The following NPHP4 variants were observed in gnomAD, a reference collection of about 807,000 sequenced individuals.
NPHP4 encodes the protein nephrocystin 4.
A neutral mutation model predicts 155.8 loss-of-function variants in NPHP4; 151 were observed. That is an observed-to-expected ratio of 0.97 (90% CI 0.85 to 1.11). NPHP4 has a LOEUF of 1.11. Ranked by LOEUF, NPHP4 falls within the 50% of genes least tolerant of loss-of-function variation. The probability of loss-of-function intolerance (pLI) is 0.00; values close to 1 mark genes in which losing one functional copy is unlikely to be tolerated. For missense variants in NPHP4, 1,956 were observed against 1,925.7 expected (o/e 1.02, Z -0.29); for synonymous variants, 845 against 816.8 (o/e 1.03, Z -0.59).
chr1:5,903,475 C>A (rs80354109), intron 16 of NPHP4, among the ~76,000 whole-genome samples: 1 of 152,038 alleles, frequency 6.6e-6, no homozygotes, highest in African/African-American at 2.4e-5. Context: ...TGTTTCAGAC[C>A]CCAGCTGGGT....
chr1:5,923,697 G>A (rs1190947989), intron 11 of NPHP4, among the ~76,000 whole-genome samples: 1 of 152,192 alleles, frequency 6.6e-6, no homozygotes, highest in Non-Finnish European at 1.5e-5. Flanking sequence ...GGAATAATCA[G>A]CCCTAGATGA....
intron 16 of NPHP4, among the ~76,000 whole-genome samples, chr1:5,898,337 C>A (rs999392703): frequency 2.0e-5 from 3 of 152,194 alleles, no homozygotes; most frequent in Non-Finnish European, 4.4e-5. Context: ...CGGCAGAGCC[C>A]CCCAAAAAGT....
chr1:5,973,312 C>A (rs192155050), intron 3 of NPHP4, among the ~76,000 whole-genome samples: 1 of 152,250 alleles, frequency 6.6e-6, no homozygotes, highest in East Asian at 1.9e-4. Context: ...ACGCCCATGG[C>A]GAAAGCCAGT....
chr1:5,985,448 G>A (rs938287404), intron 2 of NPHP4, among the ~76,000 whole-genome samples: 2 of 152,262 alleles, frequency 1.3e-5, no homozygotes, highest in Non-Finnish European at 2.9e-5. Flanking sequence ...GCCCAAGGCC[G>A]TGGTACATCC....
At chr1:5,880,601 T>C (rs558023149) in intron 18 of NPHP4, 1 of 312,092 alleles carries the variant, frequency 3.2e-6, no homozygotes, top group African/African-American at 2.1e-5. Flanking sequence ...GATGGCCACA[T>C]TGATCAAGGA....
chr1:5,959,747 C>A (rs897405209), intron 6 of NPHP4, among the ~76,000 whole-genome samples: 1 of 152,140 alleles, frequency 6.6e-6, no homozygotes, highest in East Asian at 1.9e-4. Flanking sequence ...CATCTCACAG[C>A]TAGTCCCAAG....
rs749539189 is a variant in NPHP4, at chr1:5,874,995, T to C, written c.2923A>G (p.Ile975Val). 1.6e-5 allele frequency: 25 copies of C among 1,612,386 alleles called. No individual in the cohort carries two copies. The highest frequency in any genetic ancestry group is 7.6e-6 in the Non-Finnish European group (9 of 1,179,874). ...GCGTGGAGCGTGTGCTCCGTGGTGATGGCCAGGCTCAGCAGGCTGGCGATG... is the reference window on the plus strand; with the variant it reads ...GCGTGGAGCGTGTGCTCCGTGGTGACGGCCAGGCTCAGCAGGCTGGCGATG... ...ESIASLLSLA[I>V]TTEHTLHATL... The change falls in exon 21 of 30, where the codon ATC (isoleucine) becomes GTC (valine). Residue 975 changes from isoleucine to valine, a missense_variant. Ile to Val is a conservative substitution (Grantham distance 29). Coordinates refer to ENST00000378156, the MANE Select transcript of NPHP4 (RefSeq NM_015102.5).
chr1:5,867,184 A>G lies in NPHP4; in HGVS notation c.3473-69T>C. On this transcript the variant is annotated intron_variant, in intron 24 of 29. Coordinates refer to ENST00000378156, the MANE Select transcript of NPHP4 (RefSeq NM_015102.5). This position sits in a 1 kb window ranked among gnomAD's most constrained non-coding sequence, Gnocchi z 4.1. ...AGCCTGTGTGGAGAAGGCCCCACACATTACACACTATAGGACAGGACAGGC... is the reference window on the plus strand; with the variant it reads ...AGCCTGTGTGGAGAAGGCCCCACACGTTACACACTATAGGACAGGACAGGC... 1.7e-6 allele frequency: 2 copies of G among 1,178,014 alleles called. No individual in the cohort carries two copies. The highest frequency in any genetic ancestry group is 1.2e-6 in the Non-Finnish European group (1 of 807,248). 73.0% of individuals were successfully genotyped at this position (1,178,014 alleles called of 1,614,324 possible).
At chr1:5,863,638 G>C in intron 29 of NPHP4, 4 of 621,552 alleles carry the variant, frequency 6.4e-6, no homozygotes, top group Non-Finnish European at 1.1e-5. Flanking sequence ...TTCCGAGACT[G>C]AGCTGTCTAA....
chr1:5,911,611 A>AT (rs992873932), intron 11 of NPHP4, among the ~76,000 whole-genome samples: 1 of 151,936 alleles, frequency 6.6e-6, no homozygotes, highest in Non-Finnish European at 1.5e-5. Context: ...GACTTATGCA[A>AT]TTTTTTCTTC....
rs925771487 is a variant in NPHP4, at chr1:5,890,263, C to T, written c.2304+605G>A. Among the ~76,000 whole-genome samples the T allele has an allele frequency of 5.9e-5, 9 of 152,134 alleles. No homozygotes were observed. The highest frequency in any genetic ancestry group is 5.8e-4 in the East Asian group (3 of 5,182). On this transcript the variant is annotated intron_variant, in intron 17 of 29. Coordinates refer to ENST00000378156, the MANE Select transcript of NPHP4 (RefSeq NM_015102.5). The surrounding 1 kb of genome is among the most constrained non-coding windows in gnomAD (Gnocchi z 4.9). ...GAGAAGTCTCAGGACACCATGGTAG[C>T]GTGTGAAACTGGCCCCAGTCCTTGG... is the stretch of plus-strand genomic sequence containing the variant.
rs1453667425 is a variant in NPHP4, at chr1:5,882,396, C to T, written c.2486-2157G>A. 2 of 152,984 alleles carry T rather than the reference C, an allele frequency of 1.3e-5. No homozygotes were observed. Among genetic ancestry groups the T allele is most frequent in the Non-Finnish European group, 2.9e-5 (2 of 68,438 alleles). The allele number at this position is 152,984 out of a possible 1,614,324, so 9.5% of individuals were successfully genotyped here. A position where few individuals can be genotyped will look rare whatever the true frequency, so the allele number is the denominator to read the frequency against. On this transcript the variant is annotated intron_variant, in intron 18 of 29. Coordinates refer to ENST00000378156, the MANE Select transcript of NPHP4 (RefSeq NM_015102.5). This position sits in a 1 kb window ranked among gnomAD's most constrained non-coding sequence, Gnocchi z 5.1. ...CTCAGTGGTGCGCTTACCCAGCCAT[C>T]TCTTTCCAGGGGAATTAATTTCGTT...
Position 5,890,850 on chromosome 1 carries a change from C to A in NPHP4, c.2304+18G>T. ...GGACGCAGCACCCACTGTGCCTGTC[C>A]TTCCAGAGAGCCGCTACCTTCATCT... On this transcript the variant is annotated intron_variant, in intron 17 of 29. Transcript: ENST00000378156. The surrounding 1 kb of genome is among the most constrained non-coding windows in gnomAD (Gnocchi z 4.9). The A allele has an allele frequency of 6.2e-7, 1 of 1,603,174 alleles. No homozygotes were observed. The highest frequency in any genetic ancestry group is 8.5e-7 in the Non-Finnish European group (1 of 1,173,108).
intron 16 of NPHP4, among the ~76,000 whole-genome samples, chr1:5,896,928 T>C (rs1221982802): frequency 1.3e-5 from 2 of 152,058 alleles, no homozygotes; most frequent in East Asian, 3.9e-4. Flanking sequence ...CATGCATCGA[T>C]GAAGATGCAG....
At chr1:5,896,583 A>G (rs892976126) in intron 16 of NPHP4, among the ~76,000 whole-genome samples, 2 of 152,264 alleles carry the variant, frequency 1.3e-5, no homozygotes, top group Non-Finnish European at 1.5e-5. Flanking sequence ...TGTGTAAGAC[A>G]CATACAAATA....
chr1:5,978,217 G>A (rs765340540), intron 3 of NPHP4, 53 bp downstream of exon 3: 531 of 1,551,024 alleles, frequency 3.4e-4, no homozygotes, highest in Non-Finnish European at 4.3e-4. Flanking sequence ...AGGACCACCC[G>A]CACACACACC....
intron 1 of NPHP4, 146 bp from the exon 2 acceptor site, chr1:5,986,473 T>A: frequency 1.6e-6 from 1 of 629,286 alleles, no homozygotes; most frequent in Non-Finnish European, 2.6e-6. Flanking sequence ...GAGTGGACTT[T>A]GTTGCTGGCT....
At position 5,935,465 on chromosome 1, in the gene NPHP4, T is replaced by C. The variant is rs570134251; in HGVS notation, c.1120-2136A>G. Reference sequence around the variant, plus strand: ...AGCCACACTTTCAACATTTGCCAAATACAAAAACAATGTCTTCCTGTTCCC... The same window carrying C: ...AGCCACACTTTCAACATTTGCCAAACACAAAAACAATGTCTTCCTGTTCCC... On this transcript the variant is annotated intron_variant, in intron 9 of 29. Transcript: ENST00000378156. Among the ~76,000 whole-genome samples, 26 of 152,350 alleles carry C rather than the reference T, an allele frequency of 1.7e-4. No homozygotes were observed. The South Asian group carries it at 5.4e-3, about 32-fold the overall frequency.
In NPHP4 at chr1:5,890,913, G is replaced by A. The variant is rs199628481; in HGVS notation, c.2259C>T (p.Asp753=). 8.6e-4 allele frequency: 1,381 copies of A among 1,610,162 alleles called. 1 individual carries two copies. Among genetic ancestry groups the A allele is most frequent in the Non-Finnish European group, 1.0e-3 (1,217 of 1,177,996 alleles). ...ATCCGATGAGCAGCAGGGAGTCTCC[G>A]TCCCAGACGTCAATCTGCAGGGTCT... ...AVQTLQIDVW[D]GDSLLLIGSA... Residue 753 remains aspartate, a synonymous_variant, in exon 17 of 30, where the codon GAC becomes GAT. Transcript: ENST00000378156. This position sits in a 1 kb window ranked among gnomAD's most constrained non-coding sequence, Gnocchi z 4.9.
Sources: gnomAD v4.1 joint callset for allele counts (sites outside exome capture counted in the v4.1 genomes callset) on GRCh38, gnomAD v4.1.1 for gene constraint, Gnocchi (gnomAD v3.1) non-coding constraint, MANE v1.5 for transcripts, NCBI Gene and HGNC (gene_info 2026-07-23, HGNC 2026-07-21) for gene names.